The following TCEA2 variants were observed in gnomAD, a reference collection of about 807,000 sequenced individuals.
The protein encoded by TCEA2 is transcription elongation factor A protein 2.
TCEA2 carries 21 observed loss-of-function variants against 40.8 expected under a neutral mutation model. The observed-to-expected ratio is 0.51, with a 90% CI of 0.36 to 0.74. The LOEUF (loss-of-function observed/expected upper bound fraction) is 0.74. Among genes scored for constraint, TCEA2 ranks in the 30% least tolerant of loss-of-function variants. The pLI is 0.00. For synonymous variants in TCEA2, 165 were observed against 162.7 expected (o/e 1.01, Z -0.11); for missense variants, 326 against 426.5 (o/e 0.76, Z 2.08).
intron 2 of TCEA2, 116 bp downstream of exon 2, chr20:64,066,654 C>A: frequency 8.4e-7 from 1 of 1,192,056 alleles, no homozygotes; most frequent in Non-Finnish European, 1.2e-6. Context: ...TTAGTTGGCA[C>A]AAATGCCTGT....
At chr20:64,071,781 G>A in intron 8 of TCEA2, 89 bp from the exon 9 acceptor site, 3 of 1,488,618 alleles carry the variant, frequency 2.0e-6, no homozygotes, top group Non-Finnish European at 2.7e-6. Flanking sequence ...GAGCTCAGTG[G>A]CTGCGAGGCC....
Position 64,071,904 on chromosome 20 carries a change from C to T in TCEA2, c.854C>T (p.Thr285Ile), listed in dbSNP as rs1389891959. The T allele has an allele frequency of 6.2e-7, 1 of 1,614,150 alleles. No individual in the cohort carries two copies. The highest frequency in any genetic ancestry group is 1.7e-5 in the Admixed American group (1 of 60,022). Residue 285 changes from threonine (T) to isoleucine (I), a missense_variant, in exon 9 of 10, where the codon ACC becomes ATC. By Grantham distance (89) the Thr-to-Ile change is moderately conservative (BLOSUM62 -1). Transcript: ENST00000343484. ...CGCAGCTCTGATGAGCCCATGACCA[C>T]CTTTGTTGTCTGCAACGAGTGTGGA... ...QTRSSDEPMT[T>I]FVVCNECGNR...
chr20:64,069,058 G>A (rs1392766422), intron 4 of TCEA2, among the ~76,000 whole-genome samples: 1 of 152,240 alleles, frequency 6.6e-6, no homozygotes, highest in Non-Finnish European at 1.5e-5. Flanking sequence ...CATTCTGATC[G>A]ACTGGTAATG....
rs567043086 is a variant in TCEA2, at chr20:64,063,860, C to T, written c.72+476C>T. The stretch of plus-strand genomic sequence containing the variant: ...TCACAGGCCGAGCCCCGCCCCCCAA[C>T]TCAGCCCTCTCCCACGCTCCGTCTC... On this transcript the variant is annotated intron_variant, in intron 1 of 9. Coordinates refer to ENST00000343484, the MANE Select transcript of TCEA2 (RefSeq NM_003195.6). The T allele has an allele frequency of 2.5e-3, 408 of 161,922 alleles. 5 individuals carry two copies. Among genetic ancestry groups the T allele is most frequent in the Non-Finnish European group, 2.3e-3 (171 of 73,818 alleles). The allele number at this position is 161,922 out of a possible 1,614,324, so 10.0% of individuals were successfully genotyped here. A position where few individuals can be genotyped will look rare whatever the true frequency, so the allele number is the denominator to read the frequency against.
chr20:64,066,298 C>G, intron 1 of TCEA2, 178 bp from the exon 2 acceptor site: 1 of 655,800 alleles, frequency 1.5e-6, no homozygotes, highest in Non-Finnish European at 2.7e-6. Context: ...TGCTGTGGTG[C>G]AGGAACATGT....
chr20:64,072,183 C>T lies in TCEA2; in HGVS notation c.*3C>T. ...CCCCTTTCTCGCAGTTCTGCTGACCCCTCGTGTAGATGTGCTGCAGCCTTG... is the reference window on the plus strand; with the variant it reads ...CCCCTTTCTCGCAGTTCTGCTGACCTCTCGTGTAGATGTGCTGCAGCCTTG... On this transcript the variant is annotated 3_prime_UTR_variant, in exon 10 of 10. Transcript: ENST00000343484. 6.2e-7 allele frequency: 1 copy of T among 1,613,686 alleles called. No homozygotes were observed. The highest frequency in any genetic ancestry group is 8.5e-7 in the Non-Finnish European group (1 of 1,179,778).
At chr20:64,067,119 C>A in intron 3 of TCEA2, 99 bp downstream of exon 3, 2 of 1,292,500 alleles carry the variant, frequency 1.5e-6, no homozygotes, top group Non-Finnish European at 1.1e-6. Flanking sequence ...AGTGTCCACC[C>A]TGAGCCAGGT....
intron 3 of TCEA2, 45 bp from the exon 4 acceptor site, chr20:64,068,002 T>TC (rs1484526863): frequency 1.3e-6 from 2 of 1,490,492 alleles, no homozygotes; most frequent in South Asian, 2.4e-5. Context: ...TGCCCCTCCC[T>TC]CCTCTGCCTC....
At chr20:64,072,151 G>T (rs1401049681) in intron 9 of TCEA2, 21 bp from the exon 10 acceptor site, 8 of 1,613,346 alleles carry the variant, frequency 5.0e-6, no homozygotes, top group Non-Finnish European at 5.9e-6. Flanking sequence ...AAGGCTGGAG[G>T]CCTCACCCCC....
At chr20:64,057,836 A>T (rs901814725) in intron 1 of TCEA2, among the ~76,000 whole-genome samples, 9 of 152,074 alleles carry the variant, frequency 5.9e-5, no homozygotes, top group African/African-American at 1.9e-4. Flanking sequence ...CGGCCACTTC[A>T]CAGTCCTGGG....
At chr20:64,066,442 A>C in intron 1 of TCEA2, 34 bp from the exon 2 acceptor site, 1 of 1,610,466 alleles carries the variant, frequency 6.2e-7, no homozygotes, top group Non-Finnish European at 8.5e-7. Context: ...TTGAGATCTA[A>C]AGTCCTTTAT....
At chr20:64,063,821 C>T (rs2059624828) in intron 1 of TCEA2, 1 of 172,012 alleles carries the variant, frequency 5.8e-6, no homozygotes, top group Non-Finnish European at 1.2e-5. Context: ...TCCTCCATCC[C>T]GGCCTGGGCA....
At chr20:64,057,933 T>A (rs2059494958) in intron 1 of TCEA2, among the ~76,000 whole-genome samples, 1 of 152,130 alleles carries the variant, frequency 6.6e-6, no homozygotes, top group Admixed American at 6.5e-5. Flanking sequence ...CACCCGTCCG[T>A]GGCTCACTCC....
chr20:64,070,145 C>T, intron 6 of TCEA2, 115 bp from the exon 7 acceptor site: 2 of 1,493,382 alleles, frequency 1.3e-6, no homozygotes, highest in Non-Finnish European at 1.8e-6. Flanking sequence ...AGACCGACCC[C>T]TGTGTGGCTG....
At chr20:64,071,326 C>T (rs1464598576) in intron 8 of TCEA2, among the ~76,000 whole-genome samples, 2 of 150,010 alleles carry the variant, frequency 1.3e-5, no homozygotes, top group Non-Finnish European at 1.5e-5. Flanking sequence ...CCAGCCTGGG[C>T]GACAGAGCGA....
At position 64,071,945 on chromosome 20, in the gene TCEA2, G is replaced by A. The variant is rs1188392106; in HGVS notation, c.891+4G>A. 2 of 1,614,122 alleles carry A rather than the reference G, an allele frequency of 1.2e-6. No homozygotes were observed. Among genetic ancestry groups the A allele is most frequent in the East Asian group, 2.2e-5 (1 of 44,886 alleles). On this transcript the variant is annotated splice_donor_region_variant and intron_variant, in intron 9 of 9. Coordinates refer to ENST00000343484, the MANE Select transcript of TCEA2 (RefSeq NM_003195.6). The stretch of plus-strand genomic sequence containing the variant: ...CGAGTGTGGAAACCGCTGGAAGGTG[G>A]GTGAGCAGGCTCAGGCTGCCCCTCC...
Position 64,072,204 on chromosome 20 carries a change from C to A in TCEA2, c.*24C>A. ...GACCCCTCGTGTAGATGTGCTGCAG[C>A]CTTGGGCCCTCCCCGGCCCACGTCC... is the stretch of plus-strand genomic sequence containing the variant. On this transcript the variant is annotated 3_prime_UTR_variant, in exon 10 of 10. Coordinates refer to ENST00000343484, the MANE Select transcript of TCEA2 (RefSeq NM_003195.6). The A allele has an allele frequency of 6.2e-7, 1 of 1,608,638 alleles. No individual in the cohort carries two copies. Among genetic ancestry groups the A allele is most frequent in the Non-Finnish European group, 8.5e-7 (1 of 1,175,890 alleles).
At chr20:64,066,365 G>C (rs1039335714) in intron 1 of TCEA2, 111 bp from the exon 2 acceptor site, 1 of 1,373,120 alleles carries the variant, frequency 7.3e-7, no homozygotes, top group African/African-American at 1.4e-5. Context: ...TTGACCCCAG[G>C]TTGAATCTCC....
intron 6 of TCEA2, 53 bp from the exon 7 acceptor site, chr20:64,070,207 G>A (rs1601599352): frequency 2.5e-6 from 4 of 1,601,066 alleles, no homozygotes; most frequent in Middle Eastern, 3.3e-4. Context: ...GGGGCAGGTG[G>A]TAGGTGGAGG....
Sources: gnomAD v4.1 joint callset for allele counts (sites outside exome capture counted in the v4.1 genomes callset) on GRCh38, gnomAD v4.1.1 for gene constraint, MANE v1.5 for transcripts, NCBI Gene and HGNC (gene_info 2026-07-23, HGNC 2026-07-21) for gene names.